The following LSAMP variants were observed in gnomAD, a reference collection of about 807,000 sequenced individuals.
The protein encoded by LSAMP is limbic system-associated membrane protein.
Under a neutral mutation model 38.6 loss-of-function variants are expected in LSAMP, and 7 were observed. The observed-to-expected ratio is 0.18, with a 90% CI of 0.10 to 0.34. The LOEUF (loss-of-function observed/expected upper bound fraction) is 0.34. LSAMP is among the 10% of genes least tolerant of loss of function. The probability of loss-of-function intolerance (pLI) is 1.00; values close to 1 mark genes in which losing one functional copy is unlikely to be tolerated. For missense variants in LSAMP, 313 were observed against 420.0 expected (o/e 0.75, Z 2.23); for synonymous variants, 154 against 166.8 (o/e 0.92, Z 0.59).
intron 1 of LSAMP, among the ~76,000 whole-genome samples, chr3:116,381,159 A>C (rs2048553070): frequency 6.6e-6 from 1 of 152,094 alleles, no homozygotes; most frequent in Non-Finnish European, 1.5e-5. Flanking sequence ...ATCTAGATCT[A>C]ATAAATTGAT....
chr3:116,414,795 A>C (rs1418590481), intron 1 of LSAMP, among the ~76,000 whole-genome samples: 2 of 152,138 alleles, frequency 1.3e-5, no homozygotes, highest in Non-Finnish European at 2.9e-5. Context: ...CAGTAATTGT[A>C]AATAATAGTG....
At chr3:116,314,320 T>C (rs2047600319) in intron 1 of LSAMP, among the ~76,000 whole-genome samples, 1 of 152,246 alleles carries the variant, frequency 6.6e-6, no homozygotes, top group African/African-American at 2.4e-5. Context: ...AGAATTGTTA[T>C]GAAGGTGAAT....
chr3:116,109,665 G>A (rs1708553579), intron 1 of LSAMP, among the ~76,000 whole-genome samples: 1 of 152,162 alleles, frequency 6.6e-6, no homozygotes, highest in Admixed American at 6.5e-5. Context: ...AAGCAGCATT[G>A]CAGAAGAAAA....
intron 2 of LSAMP, among the ~76,000 whole-genome samples, chr3:116,075,229 A>G (rs908990152): frequency 7.5e-5 from 11 of 146,076 alleles, no homozygotes; most frequent in Non-Finnish European, 1.0e-4. Context: ...CTCCACCTCT[A>G]GGGTTCAAGC....
chr3:115,882,329 T>C (rs1018436495), intron 3 of LSAMP, among the ~76,000 whole-genome samples: 2 of 152,140 alleles, frequency 1.3e-5, no homozygotes, highest in African/African-American at 4.8e-5. Context: ...AGATTTTTGC[T>C]CAAGGATCTT....
At chr3:116,283,851 CA>C (rs2047160087) in intron 1 of LSAMP, among the ~76,000 whole-genome samples, 1 of 151,822 alleles carries the variant, frequency 6.6e-6, no homozygotes, top group Non-Finnish European at 1.5e-5. Flanking sequence ...ACTAAAAATA[CA>C]AAAATTAGCT....
Position 116,197,761 on chromosome 3 carries a change from T to C in LSAMP, c.156-111205A>G, listed in dbSNP as rs78355977. Among the ~76,000 whole-genome samples the C allele has an allele frequency of 8.4e-3, 1,279 of 152,282 alleles. 19 individuals are homozygous for C. Among genetic ancestry groups the C allele is most frequent in the African/African-American group, 0.029 (1,199 of 41,546 alleles). On this transcript the variant is annotated intron_variant, in intron 1 of 6. Coordinates refer to ENST00000490035, the MANE Select transcript of LSAMP (RefSeq NM_002338.5). Reference sequence around the variant, plus strand: ...ATTTTTATTTTACAGATGTCTTTTCTGGGCATCTACTGAGCACTGGTATGA... The same window carrying C: ...ATTTTTATTTTACAGATGTCTTTTCCGGGCATCTACTGAGCACTGGTATGA...
At chr3:115,843,624 G>A (rs559950980) in intron 4 of LSAMP, among the ~76,000 whole-genome samples, 2 of 152,168 alleles carry the variant, frequency 1.3e-5, no homozygotes, top group Non-Finnish European at 2.9e-5. Flanking sequence ...TAAAGTGAAC[G>A]TTAGTGGGTA....
At chr3:115,931,783 T>C (rs1937584553) in intron 3 of LSAMP, among the ~76,000 whole-genome samples, 1 of 152,254 alleles carries the variant, frequency 6.6e-6, no homozygotes, top group Non-Finnish European at 1.5e-5. Context: ...GGTAGACTGT[T>C]ACTTTTCTAA....
Position 116,260,526 on chromosome 3 carries a change from T to C in LSAMP, c.156-173970A>G, listed in dbSNP as rs143866935. Among the ~76,000 whole-genome samples the C allele has an allele frequency of 7.6e-3, 1,153 of 152,302 alleles. 14 individuals are homozygous for C. The highest frequency in any genetic ancestry group is 0.026 in the African/African-American group (1,078 of 41,574). ...ACAAAATACACAGGGTTTCTAATAA[T>C]TTCTTCAAGTTCTCAGTGCATAATC... On this transcript the variant is annotated intron_variant, in intron 1 of 6. Transcript: ENST00000490035.
chr3:116,378,872 A>G (rs2107799212), intron 1 of LSAMP, among the ~76,000 whole-genome samples: 2 of 152,112 alleles, frequency 1.3e-5, no homozygotes, highest in Middle Eastern at 3.4e-3. Flanking sequence ...ATTTAATTGA[A>G]CTTCACAAAG....
intron 6 of LSAMP, among the ~76,000 whole-genome samples, chr3:115,840,946 G>A (rs927629859): frequency 6.6e-6 from 1 of 152,112 alleles, no homozygotes; most frequent in African/African-American, 2.4e-5. Context: ...TTTTCGGTTT[G>A]TTTTGCTTAT....
chr3:116,374,633 T>C (rs2107795111), intron 1 of LSAMP, among the ~76,000 whole-genome samples: 1 of 152,052 alleles, frequency 6.6e-6, no homozygotes, highest in Admixed American at 6.6e-5. Flanking sequence ...AGAATTTCAA[T>C]TACGAAACAA....
chr3:116,277,400 G>T (rs948322668), intron 1 of LSAMP, among the ~76,000 whole-genome samples: 1 of 149,554 alleles, frequency 6.7e-6, no homozygotes, highest in Non-Finnish European at 1.5e-5. Flanking sequence ...ACAGAGTCTC[G>T]CTCTGTCGCC....
At chr3:116,040,282 G>A (rs564005768) in intron 2 of LSAMP, among the ~76,000 whole-genome samples, 2 of 152,278 alleles carry the variant, frequency 1.3e-5, no homozygotes, top group East Asian at 1.9e-4. Flanking sequence ...AGAGACACAG[G>A]TCAAGGGAGA....
chr3:116,101,760 A>T (rs1374637875), intron 1 of LSAMP, among the ~76,000 whole-genome samples: 9 of 152,182 alleles, frequency 5.9e-5, no homozygotes, highest in Admixed American at 2.0e-4. Context: ...AATTCTAAAA[A>T]TATGCTTAAG....
At chr3:115,937,315 A>C (rs1431600779) in intron 3 of LSAMP, among the ~76,000 whole-genome samples, 1 of 152,172 alleles carries the variant, frequency 6.6e-6, no homozygotes, top group Non-Finnish European at 1.5e-5. Flanking sequence ...TATGGATTGT[A>C]GTTTAAAAAA....
intron 1 of LSAMP, among the ~76,000 whole-genome samples, chr3:116,164,574 T>TATATATATATATATATAATCCAA (rs1455977038): frequency 0.012 from 54 of 4,642 alleles, 3 homozygotes; most frequent in East Asian, 0.5. Flanking sequence ...CTAATCCAAA[T>TATATATATATATATATAATCCAA]ATATATATAT....
chr3:115,817,494 A>G lies in LSAMP; in HGVS notation c.920-7080T>C, dbSNP rs541395066. Among the ~76,000 whole-genome samples the G allele has an allele frequency of 3.9e-5, 6 of 152,300 alleles. No homozygotes were observed. In the South Asian group the frequency reaches 1.2e-3, roughly 32 times the overall value. On this transcript the variant is annotated intron_variant, in intron 6 of 6. Transcript: ENST00000490035. ...ATAAGTCTCAGGGTCGGAAGAGCTC[A>G]GGTAGGTTAAATATTTGGTTTCTCT...
Sources: gnomAD v4.1 joint callset for allele counts (sites outside exome capture counted in the v4.1 genomes callset) on GRCh38, gnomAD v4.1.1 for gene constraint, MANE v1.5 for transcripts, NCBI Gene and HGNC (gene_info 2026-07-23, HGNC 2026-07-21) for gene names.